The following PTPRT variants were observed in gnomAD, a reference collection of about 807,000 sequenced individuals.
PTPRT encodes protein tyrosine phosphatase receptor type T.
In PTPRT, 56 loss-of-function variants were observed where a neutral mutation model predicts 176.8. The ratio of observed to expected loss-of-function variants is 0.32; its 90% confidence interval spans 0.26 to 0.40. The LOEUF is 0.40. PTPRT is among the 10% of genes least tolerant of loss of function. The probability of loss-of-function intolerance (pLI) is 1.00; values close to 1 mark genes in which losing one functional copy is unlikely to be tolerated. For missense variants in PTPRT, 1,540 were observed against 1,908.2 expected, an observed-to-expected ratio of 0.81 and a Z score of 3.60; for synonymous variants, 783 against 739.0, an observed-to-expected ratio of 1.06 and a Z score of -0.96.
intron 7 of PTPRT, among the ~76,000 whole-genome samples, chr20:42,486,504 G>A (rs2071466588): frequency 6.6e-6 from 1 of 151,858 alleles, no homozygotes; most frequent in Admixed American, 6.6e-5. Flanking sequence ...ACCCTTCCTG[G>A]CCCCAGATTT....
At chr20:42,529,311 G>T (rs1568952786) in intron 7 of PTPRT, among the ~76,000 whole-genome samples, 1 of 152,100 alleles carries the variant, frequency 6.6e-6, no homozygotes, top group African/African-American at 2.4e-5. Flanking sequence ...ATAGTACGGG[G>T]AAGGGCACCG....
At chr20:42,634,751 T>C (rs1312292940) in intron 7 of PTPRT, among the ~76,000 whole-genome samples, 3 of 151,992 alleles carry the variant, frequency 2.0e-5, no homozygotes, top group African/African-American at 7.3e-5. Flanking sequence ...AAAAGATGAG[T>C]TTGCTTCAAA....
chr20:43,182,952 G>C (rs76659458), intron 1 of PTPRT, among the ~76,000 whole-genome samples: 1,636 of 152,148 alleles, frequency 0.011, 16 homozygotes, highest in South Asian at 0.023. Context: ...ATGAATGAAT[G>C]ATCTATTCTC....
intron 1 of PTPRT, among the ~76,000 whole-genome samples, chr20:42,911,481 C>G (rs1600548642): frequency 6.6e-6 from 1 of 152,256 alleles, no homozygotes; most frequent in East Asian, 1.9e-4. Context: ...GTGACAAATA[C>G]TCCAAATGCC....
chr20:42,074,630 A>G lies in PTPRT; in HGVS notation c.*6249T>C, dbSNP rs2146051456. On this transcript the variant is annotated 3_prime_UTR_variant, in exon 31 of 31. Coordinates refer to ENST00000373187, the MANE Select transcript of PTPRT (RefSeq NM_007050.6). Reference sequence around the variant, plus strand: ...TCCTGAGCCCTTGCACTTCCCTTGTATCTGCCCCAGTGGACCACCCCTGAG... The same window carrying G: ...TCCTGAGCCCTTGCACTTCCCTTGTGTCTGCCCCAGTGGACCACCCCTGAG... The G allele has an allele frequency of 7.6e-6, 3 of 396,602 alleles. No homozygotes were observed. Among genetic ancestry groups the G allele is most frequent in the South Asian group, 1.4e-4 (1 of 7,106 alleles). The allele number at this position is 396,602 out of a possible 1,614,324, so 24.6% of individuals were successfully genotyped here.
chr20:42,647,259 T>C (rs2074927468), intron 7 of PTPRT, among the ~76,000 whole-genome samples: 1 of 152,006 alleles, frequency 6.6e-6, no homozygotes, highest in African/African-American at 2.4e-5. Flanking sequence ...TCTTTGCCAT[T>C]CTTGTGATGA....
chr20:43,020,347 A>G (rs1029395710), intron 1 of PTPRT, among the ~76,000 whole-genome samples: 1 of 151,892 alleles, frequency 6.6e-6, no homozygotes, highest in Non-Finnish European at 1.5e-5. Flanking sequence ...CCCTTTTAAG[A>G]ATACATGTTT....
intron 16 of PTPRT, among the ~76,000 whole-genome samples, chr20:42,169,388 C>T (rs1319344241): frequency 6.6e-6 from 1 of 152,006 alleles, no homozygotes; most frequent in African/African-American, 2.4e-5. Context: ...AGCACTCACA[C>T]CAGATGGAAG....
At chr20:42,407,120 G>A (rs1014115973) in intron 9 of PTPRT, among the ~76,000 whole-genome samples, 14 of 152,104 alleles carry the variant, frequency 9.2e-5, no homozygotes, top group Admixed American at 4.6e-4. Context: ...GACTATGGGC[G>A]TACCAATCAG....
At chr20:43,097,426 G>A (rs961614532) in intron 1 of PTPRT, among the ~76,000 whole-genome samples, 10 of 152,340 alleles carry the variant, frequency 6.6e-5, no homozygotes, top group Admixed American at 6.5e-4. Context: ...ATATAGGAAA[G>A]TGAAGTTAAT....
chr20:42,107,591 GC>G (rs889406077), intron 23 of PTPRT, among the ~76,000 whole-genome samples: 2 of 152,232 alleles, frequency 1.3e-5, no homozygotes, highest in African/African-American at 4.8e-5. Context: ...GCCTTGGCCA[GC>G]CCTTTCTAGA....
intron 2 of PTPRT, among the ~76,000 whole-genome samples, chr20:42,883,762 G>GCA (rs2079051863): frequency 7.4e-4 from 1 of 1,346 alleles, no homozygotes. Flanking sequence ...CCATACACAT[G>GCA]CACACACACC....
At chr20:43,079,858 T>C (rs1568771997) in intron 1 of PTPRT, among the ~76,000 whole-genome samples, 1 of 152,238 alleles carries the variant, frequency 6.6e-6, no homozygotes, top group African/African-American at 2.4e-5. Context: ...TCTGCTTTAA[T>C]GCATTAGCCA....
intron 8 of PTPRT, among the ~76,000 whole-genome samples, chr20:42,460,038 C>G (rs2070991777): frequency 6.6e-6 from 1 of 152,160 alleles, no homozygotes; most frequent in Non-Finnish European, 1.5e-5. Context: ...ATGGAGAAGA[C>G]AGTGGGAAGA....
intron 1 of PTPRT, among the ~76,000 whole-genome samples, chr20:42,961,289 G>T (rs1981969342): frequency 6.6e-6 from 1 of 152,166 alleles, no homozygotes; most frequent in Non-Finnish European, 1.5e-5. Flanking sequence ...GATAAAGATT[G>T]CTATGGTGCC....
At chr20:42,913,027 T>C (rs531073808) in intron 1 of PTPRT, among the ~76,000 whole-genome samples, 2 of 152,340 alleles carry the variant, frequency 1.3e-5, no homozygotes, top group South Asian at 2.1e-4. Flanking sequence ...AGTTTGCCAA[T>C]GTCTCTGTGC....
intron 1 of PTPRT, among the ~76,000 whole-genome samples, chr20:42,972,019 T>G (rs1262366512): frequency 6.6e-6 from 1 of 151,270 alleles, no homozygotes; most frequent in African/African-American, 2.4e-5. Flanking sequence ...GTAGCCAGAG[T>G]GCACAGACAA....
At chr20:43,028,299 C>T (rs1985997564) in intron 1 of PTPRT, among the ~76,000 whole-genome samples, 2 of 152,148 alleles carry the variant, frequency 1.3e-5, no homozygotes, top group African/African-American at 4.8e-5. Context: ...ACAAGCACAC[C>T]TACTTGGAGT....
chr20:42,831,872 A>T (rs550877668), intron 2 of PTPRT, among the ~76,000 whole-genome samples: 1 of 152,372 alleles, frequency 6.6e-6, no homozygotes, highest in Non-Finnish European at 1.5e-5. Flanking sequence ...AAAGTCAAAA[A>T]AATAACAGAT....
Sources: allele counts gnomAD v4.1 joint callset (sites outside exome capture counted in the v4.1 genomes callset), GRCh38; gene constraint gnomAD v4.1.1; transcripts MANE v1.5; gene names NCBI Gene and HGNC (gene_info 2026-07-23, HGNC 2026-07-21).